Variants in FOXN2 observed in about 807,000 individuals in gnomAD.
FOXN2 encodes the protein forkhead box protein N2.
Under a neutral mutation model 41.2 loss-of-function variants are expected in FOXN2, and 19 were observed. That is an observed-to-expected ratio of 0.46 (90% CI 0.32 to 0.68). The LOEUF is 0.68. FOXN2 is among the 30% of genes least tolerant of loss of function. The pLI is 0.03. For synonymous variants in FOXN2, 195 were observed against 176.8 expected (o/e 1.10, Z -0.82); for missense variants, 587 against 509.4 (o/e 1.15, Z -1.47).
chr2:48,343,336 A>G (rs1227866743), intron 2 of FOXN2, among the ~76,000 whole-genome samples: 1 of 152,184 alleles, frequency 6.6e-6, no homozygotes, highest in African/African-American at 2.4e-5. Context: ...CAAGGCAGTT[A>G]GTGCACCTTT....
chr2:48,346,424 A>G lies in FOXN2; in HGVS notation c.210A>G (p.Thr70=), dbSNP rs1671103676. 5 of 1,614,182 alleles carry G rather than the reference A, an allele frequency of 3.1e-6. No individual in the cohort carries two copies. The highest frequency in any genetic ancestry group is 4.2e-6 in the Non-Finnish European group (5 of 1,180,010). ...NWLHESTNLL[T]NFSLGSEGLP... ...TTCATGAAAGCACTAATCTTCTAAC[A>G]AACTTCAGCCTCGGAAGTGAGGGTC... Residue 70 remains threonine, a synonymous_variant, in exon 3 of 7, where the codon ACA becomes ACG. Transcript: ENST00000340553.
chr2:48,331,863 G>C (rs983442533), intron 2 of FOXN2, among the ~76,000 whole-genome samples: 6 of 150,524 alleles, frequency 4.0e-5, no homozygotes, highest in African/African-American at 1.5e-4. Flanking sequence ...GAGAATTTCT[G>C]AACTTAGCTG....
In FOXN2 at chr2:48,346,476, A is replaced by G. The variant is rs1236473862; in HGVS notation, c.262A>G (p.Ile88Val). 5 of 1,614,086 alleles carry G rather than the reference A, an allele frequency of 3.1e-6. No homozygotes were observed. The highest frequency in any genetic ancestry group is 4.5e-5 in the East Asian group (2 of 44,900). ...TCCAATTGTTAGTCCATTGTATGAC[A>G]TAGAGGGAGATGATGTGCCATCCTT... ...GLPIVSPLYD[I>V]EGDDVPSFGP... The change falls in exon 3 of 7, where the codon ATA (isoleucine) becomes GTA (valine). Residue 88 changes from isoleucine (I) to valine (V), a missense_variant. Ile to Val is a conservative substitution (Grantham distance 29). Transcript: ENST00000340553.
chr2:48,332,897 C>A (rs992616427), intron 2 of FOXN2, among the ~76,000 whole-genome samples: 7 of 152,186 alleles, frequency 4.6e-5, no homozygotes, highest in African/African-American at 1.7e-4. Flanking sequence ...GGATTTGAAG[C>A]CAAGCAATAT....
chr2:48,318,498 A>G (rs1048092190), intron 1 of FOXN2, among the ~76,000 whole-genome samples: 1 of 152,194 alleles, frequency 6.6e-6, no homozygotes, highest in Non-Finnish European at 1.5e-5. Context: ...GATAAAACTG[A>G]TGACGCTTAC....
chr2:48,341,258 A>G (rs1670747722), intron 2 of FOXN2, among the ~76,000 whole-genome samples: 1 of 152,252 alleles, frequency 6.6e-6, no homozygotes, highest in East Asian at 1.9e-4. Flanking sequence ...GAATGTTTTC[A>G]TTTCATTTTA....
intron 5 of FOXN2, among the ~76,000 whole-genome samples, chr2:48,371,395 CA>C (rs111683430): frequency 4.0e-4 from 57 of 144,300 alleles, no homozygotes; most frequent in Non-Finnish European, 3.4e-4. Context: ...AGACTGTCTC[CA>C]AAAAAAAAAA....
chr2:48,322,883 A>T (rs1669426977), intron 1 of FOXN2, among the ~76,000 whole-genome samples: 3 of 149,540 alleles, frequency 2.0e-5, no homozygotes, highest in Admixed American at 2.0e-4. Context: ...TTTATTGTTT[A>T]TAGGGATGTT....
At chr2:48,330,285 T>C (rs1669946964) in intron 2 of FOXN2, among the ~76,000 whole-genome samples, 1 of 151,950 alleles carries the variant, frequency 6.6e-6, no homozygotes, top group Non-Finnish European at 1.5e-5. Context: ...ATATTGGAGG[T>C]GAGGAAAGGA....
chr2:48,367,346 T>C (rs1252227707), intron 5 of FOXN2, among the ~76,000 whole-genome samples: 1 of 152,186 alleles, frequency 6.6e-6, no homozygotes, highest in Non-Finnish European at 1.5e-5. Context: ...TAGTAAATTT[T>C]AGTAGTTATA....
chr2:48,374,470 G>A (rs992590713), intron 6 of FOXN2, among the ~76,000 whole-genome samples: 5 of 152,270 alleles, frequency 3.3e-5, no homozygotes, highest in South Asian at 2.1e-4. Flanking sequence ...AGGGCAATTT[G>A]AGAATACCAA....
intron 6 of FOXN2, among the ~76,000 whole-genome samples, chr2:48,374,606 A>C (rs1397077845): frequency 6.6e-6 from 1 of 152,222 alleles, no homozygotes; most frequent in Non-Finnish European, 1.5e-5. Flanking sequence ...ACTAATGAAA[A>C]ATTGGAAACA....
chr2:48,346,061 A>G, intron 2 of FOXN2, 140 bp from the exon 3 acceptor site: 1 of 670,394 alleles, frequency 1.5e-6, no homozygotes, highest in African/African-American at 1.8e-5. Flanking sequence ...TCTTCATTAT[A>G]CAAATGTTGT....
chr2:48,339,391 T>C (rs1010096860), intron 2 of FOXN2, among the ~76,000 whole-genome samples: 1 of 152,180 alleles, frequency 6.6e-6, no homozygotes, highest in Non-Finnish European at 1.5e-5. Context: ...CTGGTGGTTT[T>C]ATAAGGGGCT....
Position 48,374,935 on chromosome 2 carries a change from C to G in FOXN2, c.788C>G (p.Pro263Arg), listed in dbSNP as rs567634562. Reference sequence around the variant, plus strand: ...TTTTCCACAGGTGAGAAGCCTCTTCCTCTTAAAACAGCATTGCAAAAAAAG... The same window carrying G: ...TTTTCCACAGGTGAGAAGCCTCTTCGTCTTAAAACAGCATTGCAAAAAAAG... ...QGILECEKPL[P>R]LKTALQKKRS... The change falls in exon 7 of 7, where the codon CCT (proline) becomes CGT (arginine). Residue 263 changes from proline to arginine, a missense_variant. By Grantham distance (103) the Pro-to-Arg change is moderately radical (BLOSUM62 -2). Transcript: ENST00000340553. 6.2e-7 allele frequency: 1 copy of G among 1,610,908 alleles called. No individual in the cohort carries two copies. Among genetic ancestry groups the G allele is most frequent in the East Asian group, 2.2e-5 (1 of 44,834 alleles).
intron 5 of FOXN2, among the ~76,000 whole-genome samples, chr2:48,364,067 T>A (rs995909379): frequency 1.3e-5 from 2 of 152,214 alleles, no homozygotes; most frequent in African/African-American, 4.8e-5. Flanking sequence ...TTTTAATTCA[T>A]AAAAAATTCA....
At chr2:48,350,561 G>A (rs1671383936) in intron 3 of FOXN2, among the ~76,000 whole-genome samples, 2 of 152,286 alleles carry the variant, frequency 1.3e-5, no homozygotes, top group South Asian at 4.1e-4. Flanking sequence ...CAGGATATAG[G>A]CAGGTTTGTG....
chr2:48,320,946 A>G (rs906866538), intron 1 of FOXN2, among the ~76,000 whole-genome samples: 1 of 152,046 alleles, frequency 6.6e-6, no homozygotes, highest in East Asian at 1.9e-4. Context: ...GAGATTGCCT[A>G]AGTATGTTGG....
At chr2:48,365,888 C>G (rs1672496371) in intron 5 of FOXN2, among the ~76,000 whole-genome samples, 1 of 152,136 alleles carries the variant, frequency 6.6e-6, no homozygotes, top group Non-Finnish European at 1.5e-5. Context: ...GGGTATATTT[C>G]TGAGGAAATT....
Sources: allele counts gnomAD v4.1 joint callset (sites outside exome capture counted in the v4.1 genomes callset), GRCh38; gene constraint gnomAD v4.1.1; transcripts MANE v1.5; gene names NCBI Gene and HGNC (gene_info 2026-07-23, HGNC 2026-07-21).